The following LAMB4 variants were observed in gnomAD, a reference collection of about 807,000 sequenced individuals.
LAMB4 encodes laminin subunit beta-4.
In LAMB4, 196 loss-of-function variants were observed where a neutral mutation model predicts 199.2. The ratio of observed to expected loss-of-function variants is 0.98; its 90% CI spans 0.88 to 1.11. The LOEUF is 1.11. Among genes scored for constraint, LAMB4 ranks in the 50% least tolerant of loss-of-function variants. LAMB4 has a pLI of 0.00. For synonymous variants in LAMB4, 744 were observed against 770.6 expected, an observed-to-expected ratio of 0.97 and a Z score of 0.57; for missense variants, 2,080 against 2,171.2, an observed-to-expected ratio of 0.96 and a Z score of 0.83.
chr7:108,076,238 A>G (rs1481663321), intron 17 of LAMB4, among the ~76,000 whole-genome samples: 3 of 152,056 alleles, frequency 2.0e-5, no homozygotes, highest in African/African-American at 4.8e-5. Context: ...ACTTAAGTAA[A>G]TCTACTCAAT....
chr7:108,041,954 T>C (rs1343193833), intron 29 of LAMB4, among the ~76,000 whole-genome samples: 1 of 152,240 alleles, frequency 6.6e-6, no homozygotes. Context: ...CAAATAGTTA[T>C]TTGTATTTAT....
chr7:108,096,167 T>G (rs1333878371), intron 11 of LAMB4, among the ~76,000 whole-genome samples: 1 of 152,194 alleles, frequency 6.6e-6, no homozygotes, highest in Non-Finnish European at 1.5e-5. Context: ...TCCCCACTCC[T>G]TCTCCCCTCT....
downstream of LAMB4, among the ~76,000 whole-genome samples, chr7:108,022,534 G>A (rs1210434029): frequency 6.6e-6 from 1 of 152,166 alleles, no homozygotes; most frequent in East Asian, 1.9e-4. Context: ...ATAGAAGTTA[G>A]AATGATTTAT....
At chr7:108,114,368 G>C (rs567921346) in intron 3 of LAMB4, among the ~76,000 whole-genome samples, 1 of 152,298 alleles carries the variant, frequency 6.6e-6, no homozygotes, top group African/African-American at 2.4e-5. Flanking sequence ...GAGCCTGGGA[G>C]GTTGGGGCTG....
chr7:108,041,062 A>T (rs1301243734), intron 29 of LAMB4, among the ~76,000 whole-genome samples: 1 of 152,204 alleles, frequency 6.6e-6, no homozygotes, highest in East Asian at 1.9e-4. Context: ...AGAAAAAAAC[A>T]ACCCCCTTAA....
chr7:108,085,391 A>C (rs1235354491), intron 14 of LAMB4, among the ~76,000 whole-genome samples: 1 of 152,186 alleles, frequency 6.6e-6, no homozygotes, highest in Non-Finnish European at 1.5e-5. Context: ...CTGGCACTGC[A>C]CTCTGCAAAG....
intron 14 of LAMB4, among the ~76,000 whole-genome samples, chr7:108,089,952 T>G (rs1009028015): frequency 2.6e-5 from 4 of 152,188 alleles, no homozygotes; most frequent in African/African-American, 9.7e-5. Context: ...TGTGAGCTAC[T>G]GTGCCTGGCC....
At chr7:108,091,942 G>A (rs1444949006) in intron 13 of LAMB4, among the ~76,000 whole-genome samples, 166 bp from the exon 14 acceptor site, 2 of 152,136 alleles carry the variant, frequency 1.3e-5, no homozygotes, top group African/African-American at 2.4e-5. Context: ...AACATAACTG[G>A]TCTTGAATAG....
rs1034480247 is a variant in LAMB4, at chr7:108,066,385, C to A, written c.2662G>T (p.Gly888Cys). The change falls in exon 20 of 34, where the codon GGC (glycine) becomes TGC (cysteine). Residue 888 changes from glycine (G) to cysteine (C), a missense_variant. By Grantham distance (159) the Gly-to-Cys change is radical. Coordinates refer to ENST00000388781, the MANE Select transcript of LAMB4 (RefSeq NM_007356.3). ...ATTCCATACCTTTCACAGTTTCTGC[C>A]AGTTGTAAAGCCTCCACAATTGAAG... The part of the protein sequence containing the change: ...SCFNCGGFTT[G>C]RNCERCIDGY... 6.2e-7 allele frequency: 1 copy of A among 1,613,718 alleles called. No individual in the cohort carries two copies. The highest frequency in any genetic ancestry group is 1.3e-5 in the African/African-American group (1 of 75,030).
rs2036036088 is a variant in LAMB4, at chr7:108,057,894, C to T, written c.3317G>A (p.Gly1106Asp). ...CTGGCACTCACTGCAACGTTTCCCG[C>T]CGTAACCTAATTTACACGGACACTG... is the stretch of plus-strand genomic sequence containing the variant. ...TGQCPCKLGY[G>D]GKRCSECQEN... Residue 1106 changes from glycine to aspartate, a missense_variant, in exon 24 of 34, where the codon GGC becomes GAC. Transcript: ENST00000388781. 6.2e-7 allele frequency: 1 copy of T among 1,613,958 alleles called. No individual in the cohort carries two copies. Among genetic ancestry groups the T allele is most frequent in the East Asian group, 2.2e-5 (1 of 44,880 alleles).
intron 18 of LAMB4, among the ~76,000 whole-genome samples, chr7:108,068,546 C>G (rs1171021965): frequency 6.6e-6 from 1 of 152,156 alleles, no homozygotes; most frequent in Non-Finnish European, 1.5e-5. Flanking sequence ...CAAGGTCTCA[C>G]TCTGTTACTC....
chr7:108,028,267 T>C (rs952970007), intron 33 of LAMB4, among the ~76,000 whole-genome samples: 11 of 152,164 alleles, frequency 7.2e-5, no homozygotes, highest in African/African-American at 2.7e-4. Flanking sequence ...CAACATAGGT[T>C]AGAACAGGGT....
chr7:108,086,464 C>T (rs574893321), intron 14 of LAMB4, among the ~76,000 whole-genome samples: 2 of 152,232 alleles, frequency 1.3e-5, no homozygotes, highest in African/African-American at 4.8e-5. Flanking sequence ...TTATATAAAA[C>T]TGAAAAAAAT....
intron 14 of LAMB4, among the ~76,000 whole-genome samples, chr7:108,086,960 A>AT (rs748932939): frequency 5.0e-4 from 76 of 152,172 alleles, no homozygotes; most frequent in Non-Finnish European, 1.6e-4. Context: ...CTAGCGACTC[A>AT]TTCCCCAGTC....
intron 3 of LAMB4, among the ~76,000 whole-genome samples, chr7:108,112,368 C>T (rs1309112720): frequency 2.0e-5 from 3 of 150,866 alleles, no homozygotes; most frequent in Non-Finnish European, 4.4e-5. Flanking sequence ...GGCTGGAGTG[C>T]AGTGTTGCAA....
At chr7:108,096,991 C>T (rs2037631991) in intron 11 of LAMB4, among the ~76,000 whole-genome samples, 1 of 150,088 alleles carries the variant, frequency 6.7e-6, no homozygotes, top group African/African-American at 2.5e-5. Context: ...TGGTATACAC[C>T]CCCACACACC....
intron 14 of LAMB4, among the ~76,000 whole-genome samples, chr7:108,084,813 A>G (rs1266744854): frequency 1.5e-5 from 2 of 129,210 alleles, no homozygotes; most frequent in Non-Finnish European, 3.1e-5. Context: ...TTTTTTTGAG[A>G]CAGGGTCTCG....
chr7:108,015,770 TAC>T, the LAMB4 span, among the ~76,000 whole-genome samples: 5 of 145,386 alleles, frequency 3.4e-5, no homozygotes, highest in Non-Finnish European at 4.5e-5. Flanking sequence ...TTTTTTTTTT[TAC>T]TTAAGACTCT....
At chr7:108,063,541 A>G (rs1293985344) in intron 22 of LAMB4, among the ~76,000 whole-genome samples, 2 of 152,226 alleles carry the variant, frequency 1.3e-5, no homozygotes, top group South Asian at 2.1e-4. Flanking sequence ...AGGCAAACTA[A>G]TAACACCAGT....
Sources: gnomAD v4.1 joint callset for allele counts (sites outside exome capture counted in the v4.1 genomes callset) on GRCh38, gnomAD v4.1.1 for gene constraint, MANE v1.5 for transcripts, NCBI Gene and HGNC (gene_info 2026-07-23, HGNC 2026-07-21) for gene names.